Variants in RPH3AL observed in about 807,000 individuals in gnomAD.
RPH3AL encodes rab effector Noc2.
A neutral mutation model predicts 43.1 loss-of-function variants in RPH3AL; 38 were observed. The ratio of observed to expected loss-of-function variants is 0.88; its 90% CI spans 0.68 to 1.15. RPH3AL has a LOEUF of 1.15. Ranked by LOEUF, RPH3AL falls within the 50% of genes most tolerant of loss-of-function variation. RPH3AL has a pLI of 0.00. For synonymous variants in RPH3AL, 189 were observed against 176.3 expected (o/e 1.07, Z -0.57); for missense variants, 462 against 423.2 (o/e 1.09, Z -0.81).
chr17:335,046 C>T (rs990886745), intron 1 of RPH3AL, among the ~76,000 whole-genome samples: 17 of 152,212 alleles, frequency 1.1e-4, no homozygotes, highest in Non-Finnish European at 1.6e-4. Context: ...GTGGCACGAA[C>T]GAGCGCGCTT....
At chr17:271,893 TA>T (rs2042472334) in intron 6 of RPH3AL, among the ~76,000 whole-genome samples, 1 of 152,122 alleles carries the variant, frequency 6.6e-6, no homozygotes, top group Non-Finnish European at 1.5e-5. Flanking sequence ...ACAAAGAACT[TA>T]AAACAAATTT....
At chr17:304,282 G>A (rs973240985) in intron 5 of RPH3AL, among the ~76,000 whole-genome samples, 6 of 151,900 alleles carry the variant, frequency 3.9e-5, no homozygotes, top group Admixed American at 2.0e-4. Context: ...AACCGCCCCC[G>A]AGATAGGTAT....
At chr17:321,447 G>T in intron 3 of RPH3AL, 32 bp from the exon 4 acceptor site, 1 of 1,537,498 alleles carries the variant, frequency 6.5e-7, no homozygotes. Flanking sequence ...CGGCGTGGAG[G>T]CCTCCCCGGT....
intron 9 of RPH3AL, among the ~76,000 whole-genome samples, chr17:214,238 A>G (rs968104549): frequency 2.0e-5 from 3 of 152,140 alleles, no homozygotes; most frequent in African/African-American, 7.2e-5. Context: ...ATCTTTCCCC[A>G]GGTTGTTTCT....
rs1173016149 is a variant in RPH3AL, at chr17:245,059, A to ATG, written c.613+2050_613+2051dup. Among the ~76,000 whole-genome samples the ATG allele has an allele frequency of 3.4e-5, 5 of 147,578 alleles. No individual in the cohort carries two copies. Among genetic ancestry groups the ATG allele is most frequent in the Non-Finnish European group, 7.5e-5 (5 of 67,106 alleles). ...ATGTGAGCACTATGTGTGCATGTGG[A>ATG]TGTGTGTGCATAAATGTGCATGCGC... On this transcript the variant is annotated intron_variant, in intron 7 of 9. Coordinates refer to ENST00000331302, the MANE Select transcript of RPH3AL (RefSeq NM_006987.4). This position sits in a 1 kb window ranked among gnomAD's most constrained non-coding sequence, Gnocchi z 5.9.
intron 6 of RPH3AL, among the ~76,000 whole-genome samples, chr17:276,248 A>C (rs1346663884): frequency 6.6e-6 from 1 of 152,260 alleles, no homozygotes; most frequent in East Asian, 1.9e-4. Context: ...CCGAGTTTTA[A>C]AATTCATTCG....
At chr17:259,337 A>T (rs898759999) in intron 6 of RPH3AL, among the ~76,000 whole-genome samples, 13 of 152,146 alleles carry the variant, frequency 8.5e-5, no homozygotes, top group African/African-American at 3.1e-4. Flanking sequence ...TCCGCAGGGG[A>T]GAGCAGATCT....
At chr17:299,748 T>A (rs1427447056) in intron 5 of RPH3AL, among the ~76,000 whole-genome samples, 13 of 152,226 alleles carry the variant, frequency 8.5e-5, no homozygotes, top group Admixed American at 8.5e-4. Context: ...TCATTATCTG[T>A]TATTTACCAC....
At position 281,760 on chromosome 17, in the gene RPH3AL, C is replaced by T. The variant is rs377071565; in HGVS notation, c.438+8G>A. 85 of 1,611,852 alleles carry T rather than the reference C, an allele frequency of 5.3e-5. No homozygotes were observed. In the East Asian group the frequency reaches 7.4e-4, roughly 14 times the overall value. On this transcript the variant is annotated splice_region_variant and intron_variant, in intron 6 of 9. Coordinates refer to ENST00000331302, the MANE Select transcript of RPH3AL (RefSeq NM_006987.4). Reference sequence around the variant, plus strand: ...CAGCCCTCCCCACCGTCACCCTGGACGCCCTACCTCTCTTTGCTCACTGCA... The same window carrying T: ...CAGCCCTCCCCACCGTCACCCTGGATGCCCTACCTCTCTTTGCTCACTGCA...
At chr17:324,690 T>TAGCTAGCTAGCTATCTATCTATCTAG (rs1567524338) in intron 3 of RPH3AL, among the ~76,000 whole-genome samples, 1 of 149,692 alleles carries the variant, frequency 6.7e-6, no homozygotes, top group Non-Finnish European at 1.5e-5. Flanking sequence ...TTTCTATCTA[T>TAGCTAGCTAGCTATCTATCTATCTAG]CTAGCTAGCT....
intron 5 of RPH3AL, among the ~76,000 whole-genome samples, chr17:284,224 G>C (rs1294802291): frequency 1.3e-5 from 2 of 152,196 alleles, no homozygotes. Flanking sequence ...GCCAGAGTAT[G>C]AAGGAGGCAG....
At chr17:244,095 TCTCTATTGATTACCC>T (rs1275520952) in intron 7 of RPH3AL, among the ~76,000 whole-genome samples, 24 of 149,940 alleles carry the variant, frequency 1.6e-4, no homozygotes, top group African/African-American at 4.9e-4. Flanking sequence ...TGATCACCTT[TCTCTATTGATTACCC>T]CTCTATTGAT....
At position 249,272 on chromosome 17, in the gene RPH3AL, G is replaced by A. The variant is rs528025739; in HGVS notation, c.439-1987C>T. Reference sequence around the variant, plus strand: ...GAAGGGCAGGCCAAGGTTCCGAGCCGACGTCCTGAATCTGAATCCTGGGTC... The same window carrying A: ...GAAGGGCAGGCCAAGGTTCCGAGCCAACGTCCTGAATCTGAATCCTGGGTC... On this transcript the variant is annotated intron_variant, in intron 6 of 9. Coordinates refer to ENST00000331302, the MANE Select transcript of RPH3AL (RefSeq NM_006987.4). Among the ~76,000 whole-genome samples, 9 of 152,190 alleles carry A rather than the reference G, an allele frequency of 5.9e-5. No individual in the cohort carries two copies. The South Asian group carries it at 6.2e-4, about 11-fold the overall frequency.
intron 3 of RPH3AL, among the ~76,000 whole-genome samples, chr17:324,297 G>A (rs1378967412): frequency 1.3e-5 from 2 of 152,116 alleles, no homozygotes; most frequent in Non-Finnish European, 2.9e-5. Context: ...CTCCGCCTCC[G>A]GGCCCCAGTC....
At position 283,517 on chromosome 17, in the gene RPH3AL, C is replaced by A. The variant is rs979911363; in HGVS notation, c.352-1663G>T. ...GATTGGCAGGAAAATCTGCCCAAGC[C>A]TCAGCCACACTTGGGGCCCCTTTCC... On this transcript the variant is annotated intron_variant, in intron 5 of 9. Transcript: ENST00000331302. The surrounding 1 kb of genome is among the most constrained non-coding windows in gnomAD (Gnocchi z 4.2). Among the ~76,000 whole-genome samples the A allele has an allele frequency of 6.6e-6, 1 of 152,288 alleles. No homozygotes were observed. The highest frequency in any genetic ancestry group is 1.9e-4 in the East Asian group (1 of 5,176).
chr17:249,986 G>A (rs555117045), intron 6 of RPH3AL, among the ~76,000 whole-genome samples: 3 of 137,336 alleles, frequency 2.2e-5, no homozygotes, highest in Non-Finnish European at 3.1e-5. Context: ...GGACCTCTCG[G>A]AGCCTTTACT....
In RPH3AL at chr17:290,127, C is replaced by T. The variant is rs566036723; in HGVS notation, c.352-8273G>A. ...TGAAAAAGCAAGACAGGCTCCCTCC[C>T]GGAACATGCCGACCTGCCGGGAAGA... On this transcript the variant is annotated intron_variant, in intron 5 of 9. Transcript: ENST00000331302. The surrounding 1 kb of genome is among the most constrained non-coding windows in gnomAD (Gnocchi z 4.2). Among the ~76,000 whole-genome samples the T allele has an allele frequency of 7.2e-5, 11 of 152,246 alleles. No homozygotes were observed. The highest frequency in any genetic ancestry group is 1.0e-4 in the Non-Finnish European group (7 of 68,036).
chr17:296,613 C>T (rs554285629), intron 5 of RPH3AL, among the ~76,000 whole-genome samples: 6 of 152,296 alleles, frequency 3.9e-5, no homozygotes, highest in African/African-American at 7.2e-5. Flanking sequence ...TCGTTTCCGC[C>T]GATGGCTCGC....
rs202120443 is a variant in RPH3AL, at chr17:304,162, T to A, written c.351+15258A>T. Among the ~76,000 whole-genome samples the A allele has an allele frequency of 3.7e-3, 3 of 808 alleles. 1 individual carries two copies. The highest frequency in any genetic ancestry group is 8.8e-3 in the Non-Finnish European group (1 of 114). The allele number at this position is 808 out of a possible 152,430, so 0.5% of individuals were successfully genotyped here. A position where few individuals can be genotyped will look rare whatever the true frequency, so the allele number is the denominator to read the frequency against. ...GCAGTGACCGTGTCTCAGGAAAGAG[T>A]GGGGCAGGGAGGGAGGCTGTACTGA... On this transcript the variant is annotated intron_variant, in intron 5 of 9. Coordinates refer to ENST00000331302, the MANE Select transcript of RPH3AL (RefSeq NM_006987.4).
Sources: allele counts gnomAD v4.1 joint callset (sites outside exome capture counted in the v4.1 genomes callset), GRCh38; gene constraint gnomAD v4.1.1; non-coding constraint Gnocchi (gnomAD v3.1); transcripts MANE v1.5; gene names NCBI Gene and HGNC (gene_info 2026-07-23, HGNC 2026-07-21).